Variants in ICOS observed in about 807,000 individuals in gnomAD.
ICOS encodes inducible T-cell costimulator.
In ICOS, 15 loss-of-function variants were observed where a neutral mutation model predicts 24.6. The observed-to-expected ratio is 0.61, with a 90% confidence interval of 0.41 to 0.94. The LOEUF is 0.94. Ranked by LOEUF, ICOS falls within the 40% of genes least tolerant of loss-of-function variation. The pLI is 0.00. For missense variants in ICOS, 200 were observed against 233.0 expected, an observed-to-expected ratio of 0.86 and a Z score of 0.92; for synonymous variants, 89 against 77.5, an observed-to-expected ratio of 1.15 and a Z score of -0.78.
intron 1 of ICOS, among the ~76,000 whole-genome samples, chr2:203,948,150 G>T (rs1032641768): frequency 6.6e-6 from 1 of 152,196 alleles, no homozygotes; most frequent in African/African-American, 2.4e-5. Flanking sequence ...GGTAAAGAAA[G>T]TTTTTCTTTA....
chr2:203,943,248 G>A (rs2105746209), intron 1 of ICOS, among the ~76,000 whole-genome samples: 1 of 152,244 alleles, frequency 6.6e-6, no homozygotes, highest in African/African-American at 2.4e-5. Context: ...CATATTACCA[G>A]AGTTGGTTTT....
rs1690069410 is a variant in ICOS at position 203,955,888 on chromosome 2, C to T, written c.311C>T (p.Ala104Val). ...CTATACAACTTGGACCATTCTCATG[C>T]CAACTATTACTTCTGCAACCTATCA... ...FFLYNLDHSH[A>V]NYYFCNLSIF... Residue 104 changes from alanine (A) to valine (V), a missense_variant, in exon 2 of 5, where the codon GCC becomes GTC. Transcript: ENST00000316386. 2 of 1,613,618 alleles carry T rather than the reference C, an allele frequency of 1.2e-6. No homozygotes were observed. Among genetic ancestry groups the T allele is most frequent in the Admixed American group, 1.7e-5 (1 of 59,992 alleles).
intron 1 of ICOS, among the ~76,000 whole-genome samples, chr2:203,941,075 C>G (rs751513799): frequency 6.6e-6 from 1 of 152,090 alleles, no homozygotes; most frequent in Admixed American, 6.5e-5. Context: ...GGATTACAGG[C>G]GTGAGCCACC....
intron 1 of ICOS, among the ~76,000 whole-genome samples, chr2:203,953,901 G>T (rs889383870): frequency 7.9e-5 from 12 of 152,078 alleles, no homozygotes; most frequent in African/African-American, 2.9e-4. Context: ...TAACATGTTT[G>T]CTATAAATAA....
intron 4 of ICOS, 109 bp from the exon 5 acceptor site, chr2:203,959,477 T>TGTGC (rs1553499793): frequency 4.9e-6 from 4 of 819,936 alleles, no homozygotes; most frequent in Non-Finnish European, 8.6e-6. Flanking sequence ...TGTGTGTGTG[T>TGTGC]GCACGTGTGT....
At chr2:203,947,181 AAAG>A (rs935799903) in intron 1 of ICOS, among the ~76,000 whole-genome samples, 24 of 152,190 alleles carry the variant, frequency 1.6e-4, no homozygotes, top group Admixed American at 1.0e-3. Context: ...TAGTCCCCCA[AAAG>A]AAGAAGAAAA....
intron 1 of ICOS, among the ~76,000 whole-genome samples, 192 bp from the exon 2 acceptor site, chr2:203,955,444 T>G (rs1027508589): frequency 2.0e-5 from 3 of 152,050 alleles, no homozygotes; most frequent in African/African-American, 7.2e-5. Flanking sequence ...TGGTTAGGAT[T>G]TTTTTTTCTC....
intron 1 of ICOS, among the ~76,000 whole-genome samples, chr2:203,945,218 A>T (rs1401251342): frequency 6.6e-6 from 1 of 152,168 alleles, no homozygotes; most frequent in Non-Finnish European, 1.5e-5. Flanking sequence ...AGTCAAGAGG[A>T]TGCTTCCACA....
At chr2:203,942,164 G>A (rs991027618) in intron 1 of ICOS, among the ~76,000 whole-genome samples, 3 of 152,082 alleles carry the variant, frequency 2.0e-5, no homozygotes, top group African/African-American at 7.2e-5. Context: ...TTGATAAATA[G>A]ATTTTTTTTA....
rs1347442582 is a variant in ICOS, at chr2:203,959,740, G to A, written c.*141G>A. On this transcript the variant is annotated 3_prime_UTR_variant, in exon 5 of 5. Coordinates refer to ENST00000316386, the MANE Select transcript of ICOS (RefSeq NM_012092.4). ...TGCTGGTGTTTTGTTCAATCTGGAA[G>A]AATGACTGTATCAGTCAATGGGGAT... is the stretch of plus-strand genomic sequence containing the variant. 5 of 806,758 alleles carry A rather than the reference G, an allele frequency of 6.2e-6. No homozygotes were observed. Among genetic ancestry groups the A allele is most frequent in the Admixed American group, 1.9e-5 (1 of 52,926 alleles). The allele number at this position is 806,758 out of a possible 1,614,324, so 50.0% of individuals were successfully genotyped here. A position where few individuals can be genotyped will look rare whatever the true frequency, so the allele number is the denominator to read the frequency against.
At chr2:203,946,018 TGG>T (rs979029348) in intron 1 of ICOS, among the ~76,000 whole-genome samples, 22 of 152,166 alleles carry the variant, frequency 1.4e-4, no homozygotes, top group African/African-American at 4.8e-4. Flanking sequence ...GCAAGCAATG[TGG>T]GTATTCAGAG....
intron 4 of ICOS, 119 bp downstream of exon 4, chr2:203,958,002 G>C: frequency 1.5e-6 from 1 of 650,206 alleles, no homozygotes; most frequent in Non-Finnish European, 2.8e-6. Context: ...CCTAATTCTA[G>C]AATTTTCTGT....
chr2:203,953,983 A>AT (rs1344701448), intron 1 of ICOS, among the ~76,000 whole-genome samples: 4 of 152,152 alleles, frequency 2.6e-5, no homozygotes, highest in Non-Finnish European at 5.9e-5. Context: ...GAACTAGGTA[A>AT]TTTTTTTCCT....
intron 1 of ICOS, among the ~76,000 whole-genome samples, chr2:203,951,637 G>A (rs1217610772): frequency 2.0e-5 from 3 of 152,130 alleles, no homozygotes; most frequent in Admixed American, 1.3e-4. Context: ...AATCATCTTC[G>A]GAAGTAGAAG....
Position 203,956,794 on chromosome 2 carries a change from T to C in ICOS, c.501+29T>C, listed in dbSNP as rs56233918. ...AGCGATTTCTATCTTTCCTTGTATC[T>C]GCTTTACAGATGCACATCAGTGATT... is the stretch of plus-strand genomic sequence containing the variant. On this transcript the variant is annotated intron_variant, in intron 3 of 4. Transcript: ENST00000316386. 91 of 1,370,508 alleles carry C rather than the reference T, an allele frequency of 6.6e-5. No homozygotes were observed. In the East Asian group the frequency reaches 1.0e-3, roughly 15 times the overall value. The allele number at this position is 1,370,508 out of a possible 1,614,324, so 84.9% of individuals were successfully genotyped here. A position where few individuals can be genotyped will look rare whatever the true frequency, so the allele number is the denominator to read the frequency against.
intron 4 of ICOS, among the ~76,000 whole-genome samples, chr2:203,958,183 C>T (rs1442313519): frequency 6.6e-6 from 1 of 152,084 alleles, no homozygotes; most frequent in Non-Finnish European, 1.5e-5. Flanking sequence ...TGGGATGATT[C>T]TAAGTGTTTT....
intron 1 of ICOS, among the ~76,000 whole-genome samples, chr2:203,942,848 T>C (rs1306918105): frequency 6.6e-6 from 1 of 152,186 alleles, no homozygotes; most frequent in Non-Finnish European, 1.5e-5. Context: ...TGTCAAATTA[T>C]CTTATTCTTT....
chr2:203,939,644 C>A (rs1364277967), intron 1 of ICOS, among the ~76,000 whole-genome samples: 1 of 152,090 alleles, frequency 6.6e-6, no homozygotes, highest in Non-Finnish European at 1.5e-5. Context: ...GGGAGGATAG[C>A]CCTCAAGGCC....
intron 4 of ICOS, 131 bp from the exon 5 acceptor site, chr2:203,959,455 A>AGTGTGTGT (rs34098976): frequency 0.019 from 13,389 of 717,942 alleles, 74 homozygotes; most frequent in African/African-American, 0.037. Flanking sequence ...TGTGTGTGTG[A>AGTGTGTGT]GTGTGTGTGT....
Sources: allele counts gnomAD v4.1 joint callset (sites outside exome capture counted in the v4.1 genomes callset), GRCh38; gene constraint gnomAD v4.1.1; transcripts MANE v1.5; gene names NCBI Gene and HGNC (gene_info 2026-07-23, HGNC 2026-07-21).